Variants in APOC3 observed in about 807,000 individuals in gnomAD.
APOC3 encodes apolipoprotein C3.
APOC3 carries 6 observed loss-of-function variants against 7.3 expected under a neutral mutation model. The observed-to-expected ratio is 0.82, with a 90% CI of 0.45 to 1.61. APOC3 has a LOEUF of 1.61. APOC3 is among the 40% of genes most tolerant of loss of function. APOC3 has a pLI of 0.01. For synonymous variants in APOC3, 45 were observed against 51.2 expected (o/e 0.88, Z 0.52); for missense variants, 123 against 124.9 (o/e 0.98, Z 0.07).
At chr11:116,831,387 T>C (rs1377441447) in intron 3 of APOC3, among the ~76,000 whole-genome samples, 1 of 150,488 alleles carries the variant, frequency 6.6e-6, no homozygotes, top group Non-Finnish European at 1.5e-5. Context: ...TTTTTTTTAA[T>C]GGAGTCTCCC....
chr11:116,830,694 G>A, intron 2 of APOC3, 57 bp downstream of exon 2: 2 of 1,613,160 alleles, frequency 1.2e-6, no homozygotes, highest in Non-Finnish European at 1.7e-6. Flanking sequence ...GGGGATCCCA[G>A]TCCCAATGGG....
intron 3 of APOC3, 31 bp downstream of exon 3, chr11:116,830,927 C>G (rs369061754): frequency 5.6e-6 from 9 of 1,608,376 alleles, no homozygotes; most frequent in African/African-American, 4.0e-5. Flanking sequence ...CCCCATCCCC[C>G]CTGCCAGCTG....
chr11:116,831,389 G>C (rs1346155983), intron 3 of APOC3, among the ~76,000 whole-genome samples: 1 of 127,546 alleles, frequency 7.8e-6, no homozygotes, highest in African/African-American at 3.0e-5. Context: ...TTTTTTAATG[G>C]AGTCTCCCTC....
intron 3 of APOC3, among the ~76,000 whole-genome samples, chr11:116,831,940 CCCA>C (rs1941467287): frequency 6.6e-6 from 1 of 152,218 alleles, no homozygotes; most frequent in South Asian, 2.1e-4. Flanking sequence ...TGCTCACTCA[CCCA>C]CCACTCACTT....
At chr11:116,832,732 C>T in intron 3 of APOC3, 32 bp from the exon 4 acceptor site, 6 of 1,613,936 alleles carry the variant, frequency 3.7e-6, no homozygotes, top group Non-Finnish European at 5.1e-6. Flanking sequence ...AGTTCTCATG[C>T]CCTGCTCTGT....
At chr11:116,832,263 G>A (rs1329558345) in intron 3 of APOC3, among the ~76,000 whole-genome samples, 2 of 152,156 alleles carry the variant, frequency 1.3e-5, no homozygotes, top group Admixed American at 1.3e-4. Flanking sequence ...CCGGCTTTGG[G>A]GTAGGTGTTA....
In APOC3 at chr11:116,832,799, A is replaced by C; in HGVS notation, c.215A>C (p.Asp72Ala). 3 of 1,614,142 alleles carry C rather than the reference A, an allele frequency of 1.9e-6. No individual in the cohort carries two copies. The highest frequency in any genetic ancestry group is 1.7e-6 in the Non-Finnish European group (2 of 1,180,020). The change falls in exon 4 of 4, where the codon GAC (aspartate) becomes GCC (alanine). Residue 72 changes from aspartate to alanine, a missense_variant. Asp to Ala is a moderately radical substitution (Grantham distance 126). Coordinates refer to ENST00000227667, the MANE Select transcript of APOC3 (RefSeq NM_000040.3). ...ACCGATGGCTTCAGTTCCCTGAAAG[A>C]CTACTGGAGCACCGTTAAGGACAAG... ...WVTDGFSSLK[D>A]YWSTVKDKFS...
chr11:116,831,232 T>TC (rs1473552987), intron 3 of APOC3: 3 of 183,180 alleles, frequency 1.6e-5, no homozygotes, highest in African/African-American at 3.4e-5. Flanking sequence ...TTTCTTTCTT[T>TC]CTTTCTTTCT....
At chr11:116,830,495 G>A (rs1415401777) in intron 1 of APOC3, 75 bp from the exon 2 acceptor site, 1 of 1,524,812 alleles carries the variant, frequency 6.6e-7, no homozygotes, top group Non-Finnish European at 9.0e-7. Flanking sequence ...TACCTTAGGG[G>A]CCACGCCACC....
At chr11:116,831,205 CTTTCTT>C (rs1320993953) in intron 3 of APOC3, 2 of 106,644 alleles carry the variant, frequency 1.9e-5, no homozygotes, top group Non-Finnish European at 3.9e-5. Flanking sequence ...TTCTTTCTTT[CTTTCTT>C]TCTTTCTTTC....
chr11:116,832,770 G>A lies in APOC3; in HGVS notation c.186G>A (p.Trp62Ter), dbSNP rs764210608. 1 of 1,613,980 alleles carries A rather than the reference G, an allele frequency of 6.2e-7. No individual in the cohort carries two copies. Among genetic ancestry groups the A allele is most frequent in the African/African-American group, 1.3e-5 (1 of 74,910 alleles). The change falls in exon 4 of 4, where the codon TGG (tryptophan) becomes TGA (stop). Residue 62 changes from tryptophan to a stop codon, truncating the protein, a stop_gained. Coordinates refer to ENST00000227667, the MANE Select transcript of APOC3 (RefSeq NM_000040.3). LOFTEE classifies it low-confidence loss of function (END_TRUNC). Reference protein sequence around the residue: ...ESQVAQQARGWVTDGFSSLKD... With the variant: ...ESQVAQQARG ...CTTCCCCTGACTGATTTAGGGGCTG[G>A]GTGACCGATGGCTTCAGTTCCCTGA...
At chr11:116,831,239 TTC>T (rs777954156) in intron 3 of APOC3, 21 of 136,386 alleles carry the variant, frequency 1.5e-4, no homozygotes, top group African/African-American at 5.3e-4. Flanking sequence ...CTTTCTTTCT[TTC>T]TTTCTTTCTT....
chr11:116,830,681 C>A, intron 2 of APOC3, 44 bp downstream of exon 2: 1 of 1,613,404 alleles, frequency 6.2e-7, no homozygotes, highest in South Asian at 1.1e-5. Flanking sequence ...GTGGAGGCAA[C>A]TTGGGGATCC....
chr11:116,830,816 G>C lies in APOC3; in HGVS notation c.99G>C (p.Gln33His). The C allele has an allele frequency of 6.2e-7, 1 of 1,613,244 alleles. No individual in the cohort carries two copies. Among genetic ancestry groups the C allele is most frequent in the South Asian group, 1.1e-5 (1 of 91,050 alleles). The part of the protein sequence containing the change: ...AEDASLLSFM[Q>H]GYMKHATKTA... ...ATGCCTCCCTTCTCAGCTTCATGCA[G>C]GGTTACATGAAGCACGCCACCAAGA... Residue 33 changes from glutamine (Q) to histidine (H), a missense_variant, in exon 3 of 4, where the codon CAG becomes CAC. By Grantham distance (24) the Gln-to-His change is conservative. Transcript: ENST00000227667.
chr11:116,831,381 T>G (rs1941458863), intron 3 of APOC3, among the ~76,000 whole-genome samples: 1 of 151,266 alleles, frequency 6.6e-6, no homozygotes, highest in Non-Finnish European at 1.5e-5. Flanking sequence ...CTTCTTTTTT[T>G]TTTAATGGAG....
At chr11:116,832,394 A>T (rs980088066) in intron 3 of APOC3, among the ~76,000 whole-genome samples, 1 of 152,116 alleles carries the variant, frequency 6.6e-6, no homozygotes, top group African/African-American at 2.4e-5. Context: ...CCTCTGTCCT[A>T]CCCTGCTCAG....
chr11:116,831,845 G>A lies in APOC3; in HGVS notation c.180-919G>A, dbSNP rs543359482. Among the ~76,000 whole-genome samples the A allele has an allele frequency of 1.2e-4, 18 of 152,294 alleles. 2 individuals carry two copies. Among genetic ancestry groups the A allele is most frequent in the Admixed American group, 1.0e-3 (16 of 15,298 alleles). ...TAAGGAGCCCTCCACCTAGATCCCT[G>A]GCATGTGCAGTTCACAATAGGGTTC... On this transcript the variant is annotated intron_variant, in intron 3 of 3. Transcript: ENST00000227667.
At chr11:116,832,740 T>C in intron 3 of APOC3, 24 bp from the exon 4 acceptor site, 1 of 1,614,068 alleles carries the variant, frequency 6.2e-7, no homozygotes, top group Non-Finnish European at 8.5e-7. Context: ...TGCCCTGCTC[T>C]GTTGCTTCCC....
intron 3 of APOC3, among the ~76,000 whole-genome samples, chr11:116,832,231 T>C (rs12721086): frequency 1.1e-4 from 16 of 152,210 alleles, no homozygotes; most frequent in African/African-American, 3.9e-4. Flanking sequence ...GAGGTGTTCA[T>C]AAACATTCTT....
Sources: gnomAD v4.1 joint callset for allele counts (sites outside exome capture counted in the v4.1 genomes callset) on GRCh38, gnomAD v4.1.1 for gene constraint, MANE v1.5 for transcripts, NCBI Gene and HGNC (gene_info 2026-07-23, HGNC 2026-07-21) for gene names.